Variants in ATG3 observed in about 807,000 individuals in gnomAD.
ATG3 encodes the protein ubiquitin-like-conjugating enzyme ATG3.
In ATG3, 25 loss-of-function variants were observed where a neutral mutation model predicts 50.7. The ratio of observed to expected loss-of-function variants is 0.49; its 90% CI spans 0.36 to 0.69. The LOEUF is 0.69. Ranked by LOEUF, ATG3 falls within the 30% of genes least tolerant of loss-of-function variation. ATG3 has a pLI of 0.00. For synonymous variants in ATG3, 119 were observed against 125.5 expected (o/e 0.95, Z 0.34); for missense variants, 281 against 376.0 (o/e 0.75, Z 2.09).
rs370018507 is a variant in ATG3, at chr3:112,554,158, T to TTAAGCA, written c.115-835_115-830dup. ...TCTGAGGGCAGAAAATTTAAGTCTGTTAAGCATAACTGCAGTGTCCCAACT... is the reference window on the plus strand; with the variant it reads ...TCTGAGGGCAGAAAATTTAAGTCTGTTAAGCATAAGCATAACTGCAGTGTCCCAACT... On this transcript the variant is annotated intron_variant, in intron 2 of 11. Transcript: ENST00000283290. 4.6e-3 allele frequency among the ~76,000 whole-genome samples: 708 copies of TTAAGCA among 152,334 alleles called. 3 individuals are homozygous for TTAAGCA. Among genetic ancestry groups the TTAAGCA allele is most frequent in the African/African-American group, 0.016 (653 of 41,580 alleles).
chr3:112,561,678 A>C lies in ATG3; in HGVS notation c.-150T>G, dbSNP rs999621211. ...AGGGGACGGGACGCGACGCGACGGG[A>C]CGGGCGGGACGAGGGGGCGGGGCGG... On this transcript the variant is annotated 5_prime_UTR_variant, in exon 1 of 12. Transcript: ENST00000283290. 1.2e-5 allele frequency: 9 copies of C among 752,224 alleles called. No individual in the cohort carries two copies. The highest frequency in any genetic ancestry group is 1.9e-5 in the Non-Finnish European group (9 of 479,706). The allele number at this position is 752,224 out of a possible 1,614,324, so 46.6% of individuals were successfully genotyped here.
At chr3:112,561,201 C>G (rs1246925042) in intron 1 of ATG3, among the ~76,000 whole-genome samples, 2 of 152,184 alleles carry the variant, frequency 1.3e-5, no homozygotes, top group African/African-American at 4.8e-5. Flanking sequence ...CCCGACGTAC[C>G]CGACCGCGCA....
At chr3:112,535,046 C>T (rs986349240) in intron 10 of ATG3, 2 of 152,122 alleles carry the variant, frequency 1.3e-5, no homozygotes, top group Admixed American at 6.5e-5. Flanking sequence ...CCTATCTATA[C>T]ATCTTTTCAT....
At chr3:112,553,574 G>C (rs1472512502) in intron 2 of ATG3, among the ~76,000 whole-genome samples, 2 of 152,222 alleles carry the variant, frequency 1.3e-5, no homozygotes, top group African/African-American at 4.8e-5. Flanking sequence ...GAAAAAACAA[G>C]TGCTGTTTTT....
intron 1 of ATG3, 136 bp from the exon 2 acceptor site, chr3:112,558,553 T>C (rs1016561447): frequency 3.0e-6 from 2 of 663,626 alleles, no homozygotes; most frequent in African/African-American, 3.7e-5. Context: ...ATCTATCTAA[T>C]CTATAATCTA....
intron 2 of ATG3, among the ~76,000 whole-genome samples, chr3:112,556,039 T>C (rs1441196327): frequency 6.6e-6 from 1 of 152,016 alleles, no homozygotes; most frequent in Non-Finnish European, 1.5e-5. Context: ...ATCTCCGCTC[T>C]TGATTTCAGA....
At position 112,543,904 on chromosome 3, in the gene ATG3, G is replaced by A. The variant is rs139651167; in HGVS notation, c.393+153C>T. ...GTGTGTTGAGACAGAAAAATGAATG[G>A]GGAAGAAAACAGCTGGAATTTAAAA... On this transcript the variant is annotated intron_variant, in intron 6 of 11. Coordinates refer to ENST00000283290, the MANE Select transcript of ATG3 (RefSeq NM_022488.5). 1.1e-3 allele frequency: 551 copies of A among 507,804 alleles called. 5 individuals carry two copies. The highest frequency in any genetic ancestry group is 9.8e-3 in the African/African-American group (508 of 51,632). 31.5% of individuals were successfully genotyped at this position (507,804 alleles called of 1,614,324 possible). A position where few individuals can be genotyped will look rare whatever the true frequency, so the allele number is the denominator to read the frequency against.
intron 6 of ATG3, among the ~76,000 whole-genome samples, chr3:112,542,940 T>G (rs1356825369): frequency 1.3e-5 from 2 of 152,076 alleles, no homozygotes; most frequent in African/African-American, 4.8e-5. Context: ...AAGCAATTTG[T>G]GTTATTTCTC....
At chr3:112,543,768 C>T (rs1157028555) in intron 6 of ATG3, among the ~76,000 whole-genome samples, 2 of 152,044 alleles carry the variant, frequency 1.3e-5, no homozygotes, top group Non-Finnish European at 2.9e-5. Context: ...GAAGTTGCTC[C>T]AGTCAGTGAA....
intron 7 of ATG3, 180 bp from the exon 8 acceptor site, chr3:112,538,360 C>T (rs922552604): frequency 3.6e-6 from 2 of 550,610 alleles, no homozygotes; most frequent in African/African-American, 3.9e-5. Flanking sequence ...GGCGAAAGCC[C>T]AGAGAAAGCC....
chr3:112,555,733 T>G (rs766083639), intron 2 of ATG3, among the ~76,000 whole-genome samples: 1 of 152,242 alleles, frequency 6.6e-6, no homozygotes, highest in Non-Finnish European at 1.5e-5. Flanking sequence ...TCCAGGCTCA[T>G]TCTACTCTAA....
chr3:112,550,157 G>T, intron 4 of ATG3, 35 bp downstream of exon 4: 2 of 1,505,340 alleles, frequency 1.3e-6, no homozygotes, highest in Non-Finnish European at 9.1e-7. Context: ...ATACCTCTAC[G>T]CAAAATTTAT....
intron 8 of ATG3, 128 bp from the exon 9 acceptor site, chr3:112,538,018 C>T (rs191401776): frequency 1.5e-5 from 18 of 1,209,086 alleles, no homozygotes; most frequent in Middle Eastern, 2.1e-4. Flanking sequence ...CTCAAAGCTA[C>T]GTTTTATATG....
intron 6 of ATG3, among the ~76,000 whole-genome samples, chr3:112,542,481 G>T (rs1933258782): frequency 6.6e-6 from 1 of 152,026 alleles, no homozygotes; most frequent in African/African-American, 2.4e-5. Context: ...CTGAAAATCT[G>T]AAGTCAACAT....
At chr3:112,534,828 G>C (rs1041041423) in intron 10 of ATG3, 1 of 151,360 alleles carries the variant, frequency 6.6e-6, no homozygotes, top group Non-Finnish European at 1.5e-5. Context: ...AAAGCAAAGA[G>C]GTATCTATAA....
rs1365425912 is a variant in ATG3, at chr3:112,561,864, T to C, written c.-336A>G. 2 of 302,816 alleles carry C rather than the reference T, an allele frequency of 6.6e-6. No individual in the cohort carries two copies. Among genetic ancestry groups the C allele is most frequent in the African/African-American group, 2.3e-5 (1 of 43,992 alleles). The allele number at this position is 302,816 out of a possible 1,614,324, so 18.8% of individuals were successfully genotyped here. A position where few individuals can be genotyped will look rare whatever the true frequency, so the allele number is the denominator to read the frequency against. ...CACGCACCCCTCGCCCTCTGCGAGC[T>C]GTCTGTCCTCGCTTTGCTTCACTCG... is the stretch of plus-strand genomic sequence containing the variant. On this transcript the variant is annotated 5_prime_UTR_variant, in exon 1 of 12. Coordinates refer to ENST00000283290, the MANE Select transcript of ATG3 (RefSeq NM_022488.5).
intron 5 of ATG3, among the ~76,000 whole-genome samples, chr3:112,544,708 T>C (rs1355518763): frequency 1.4e-5 from 2 of 147,180 alleles, no homozygotes; most frequent in South Asian, 2.2e-4. Flanking sequence ...AGGACTCGTA[T>C]GTACATTTTA....
At chr3:112,547,497 T>C (rs1933400358) in intron 5 of ATG3, among the ~76,000 whole-genome samples, 1 of 152,244 alleles carries the variant, frequency 6.6e-6, no homozygotes, top group African/African-American at 2.4e-5. Context: ...ATCATGGATT[T>C]AAACTTAGAG....
intron 10 of ATG3, chr3:112,534,888 G>A (rs1051280165): frequency 6.6e-6 from 1 of 152,038 alleles, no homozygotes. Flanking sequence ...AAAACTGAGA[G>A]GGTTTAAGAA....
Sources: allele counts gnomAD v4.1 joint callset (sites outside exome capture counted in the v4.1 genomes callset), GRCh38; gene constraint gnomAD v4.1.1; transcripts MANE v1.5; gene names NCBI Gene and HGNC (gene_info 2026-07-23, HGNC 2026-07-21).